ARMH3: variants seen among roughly 807,000 people sequenced by gnomAD.
ARMH3 encodes the protein armadillo-like helical domain-containing protein 3.
Under a neutral mutation model 99.1 loss-of-function variants are expected in ARMH3, and 60 were observed. The observed-to-expected ratio is 0.61, with a 90% CI of 0.49 to 0.75. The LOEUF (loss-of-function observed/expected upper bound fraction) is 0.75, where lower values mean the gene tolerates loss of function less well. Ranked by LOEUF, ARMH3 falls within the 30% of genes least tolerant of loss-of-function variation. The probability of loss-of-function intolerance (pLI) is 0.00; values close to 1 mark genes in which losing one functional copy is unlikely to be tolerated. For missense variants in ARMH3, 679 were observed against 843.1 expected, an observed-to-expected ratio of 0.81 and a Z score of 2.41; for synonymous variants, 285 against 292.8, an observed-to-expected ratio of 0.97 and a Z score of 0.27.
chr10:102,035,913 A>G (rs2067246436), intron 2 of ARMH3, among the ~76,000 whole-genome samples: 1 of 150,540 alleles, frequency 6.6e-6, no homozygotes, highest in Non-Finnish European at 1.5e-5. Context: ...CAGTCTGGGA[A>G]GTGAGGAGCG....
At chr10:102,021,692 T>C (rs981942675) in intron 8 of ARMH3, among the ~76,000 whole-genome samples, 1 of 151,770 alleles carries the variant, frequency 6.6e-6, no homozygotes, top group East Asian at 1.9e-4. Flanking sequence ...GGACTACAGG[T>C]GCCCGCCACT....
At chr10:102,003,628 A>G (rs2066418722) in intron 14 of ARMH3, among the ~76,000 whole-genome samples, 1 of 152,220 alleles carries the variant, frequency 6.6e-6, no homozygotes. Flanking sequence ...CTACATTTTC[A>G]GCCATGAAGA....
intron 22 of ARMH3, among the ~76,000 whole-genome samples, chr10:101,944,269 TATATAGAGAGAGAGAGAGAGAG>T (rs1483754854): frequency 1.8e-4 from 8 of 44,932 alleles, no homozygotes; most frequent in East Asian, 1.7e-3. Context: ...TATATATATA[TATATAGAGAGAGAGAGAGAGAG>T]AGAGAGAGAG....
At chr10:102,054,177 T>G (rs996013738) in intron 1 of ARMH3, among the ~76,000 whole-genome samples, 2 of 151,738 alleles carry the variant, frequency 1.3e-5, no homozygotes, top group Non-Finnish European at 2.9e-5. Flanking sequence ...GATCACGAGG[T>G]CAGGAGTTGG....
chr10:102,005,714 AAC>A (rs2066468847), intron 14 of ARMH3, among the ~76,000 whole-genome samples: 2 of 152,226 alleles, frequency 1.3e-5, no homozygotes, highest in Admixed American at 1.3e-4. Context: ...TATTCCACCA[AAC>A]ACACTCAGCC....
chr10:101,874,105 C>T (rs2067201093), intron 24 of ARMH3, among the ~76,000 whole-genome samples: 1 of 152,122 alleles, frequency 6.6e-6, no homozygotes, highest in Non-Finnish European at 1.5e-5. Flanking sequence ...ATCTACTCTA[C>T]AGTGAAAATA....
chr10:101,990,454 A>G, intron 19 of ARMH3, 97 bp downstream of exon 19: 1 of 923,034 alleles, frequency 1.1e-6, no homozygotes, highest in Non-Finnish European at 1.6e-6. Context: ...TACAGGCGTG[A>G]GCCATGGCGC....
chr10:101,994,969 G>A (rs189241765), intron 16 of ARMH3, among the ~76,000 whole-genome samples: 22 of 152,298 alleles, frequency 1.4e-4, no homozygotes, highest in Admixed American at 2.0e-4. Context: ...CTGGGAGGTG[G>A]AGGTTGCAGT....
At chr10:101,869,846 A>C (rs1235804823) in intron 24 of ARMH3, among the ~76,000 whole-genome samples, 1 of 152,210 alleles carries the variant, frequency 6.6e-6, no homozygotes, top group Non-Finnish European at 1.5e-5. Context: ...CAGCCTGAGC[A>C]ACATGGCAAA....
At chr10:101,855,617 C>CT (rs2066720066) in intron 24 of ARMH3, among the ~76,000 whole-genome samples, 1 of 150,958 alleles carries the variant, frequency 6.6e-6, no homozygotes, top group African/African-American at 2.4e-5. Flanking sequence ...ATAATCACAG[C>CT]TCACTGCACC....
chr10:101,958,215 A>C (rs926986516), intron 20 of ARMH3, among the ~76,000 whole-genome samples: 6 of 152,234 alleles, frequency 3.9e-5, no homozygotes, highest in Non-Finnish European at 7.3e-5. Context: ...TAGCAGCTAT[A>C]CTGTATGTAC....
At chr10:101,976,811 G>A (rs1042193778) in intron 19 of ARMH3, among the ~76,000 whole-genome samples, 8 of 152,074 alleles carry the variant, frequency 5.3e-5, no homozygotes, top group East Asian at 1.9e-4. Context: ...CACCATAGCC[G>A]GCTAATTTTT....
At chr10:101,941,765 T>C (rs1844249511) in intron 22 of ARMH3, among the ~76,000 whole-genome samples, 2 of 152,232 alleles carry the variant, frequency 1.3e-5, no homozygotes, top group Non-Finnish European at 2.9e-5. Flanking sequence ...TGAGAATTTA[T>C]TCATGTAATG....
At chr10:101,869,655 C>T (rs1188825664) in intron 24 of ARMH3, among the ~76,000 whole-genome samples, 3 of 152,112 alleles carry the variant, frequency 2.0e-5, no homozygotes, top group Non-Finnish European at 2.9e-5. Flanking sequence ...ACCTAAATTT[C>T]TACCTTATGA....
intron 23 of ARMH3, among the ~76,000 whole-genome samples, chr10:101,939,591 AC>A (rs1844144903): frequency 6.6e-6 from 1 of 152,018 alleles, no homozygotes; most frequent in Admixed American, 6.6e-5. Context: ...CATAGAGAAC[AC>A]TCTGGCAACT....
intron 12 of ARMH3, 32 bp downstream of exon 12, chr10:102,009,945 C>A (rs756747809): frequency 6.2e-7 from 1 of 1,604,934 alleles, no homozygotes; most frequent in Admixed American, 1.7e-5. Flanking sequence ...CACTAAAGTC[C>A]AAGTCACTGC....
intron 1 of ARMH3, among the ~76,000 whole-genome samples, chr10:102,046,599 C>T (rs1454191569): frequency 6.6e-6 from 1 of 151,762 alleles, no homozygotes; most frequent in Admixed American, 6.6e-5. Context: ...TTGCAGTGAG[C>T]CGAGATTGCA....
intron 20 of ARMH3, among the ~76,000 whole-genome samples, chr10:101,971,568 T>A (rs1227385842): frequency 6.6e-6 from 1 of 151,888 alleles, no homozygotes; most frequent in Non-Finnish European, 1.5e-5. Flanking sequence ...TAAAATAAAA[T>A]AAAATAAAAT....
At chr10:101,955,405 T>C (rs1844985197) in intron 22 of ARMH3, among the ~76,000 whole-genome samples, 1 of 152,226 alleles carries the variant, frequency 6.6e-6, no homozygotes. Context: ...ATACTTGCCA[T>C]TGAAAACATC....
Sources: allele counts gnomAD v4.1 joint callset (sites outside exome capture counted in the v4.1 genomes callset), GRCh38; gene constraint gnomAD v4.1.1; transcripts MANE v1.5; gene names NCBI Gene and HGNC (gene_info 2026-07-23, HGNC 2026-07-21).